ASNS: variants seen among roughly 807,000 people sequenced by gnomAD.
The protein encoded by ASNS is asparagine synthetase [glutamine-hydrolyzing].
Under a neutral mutation model 62.6 loss-of-function variants are expected in ASNS, and 37 were observed. The ratio of observed to expected loss-of-function variants is 0.59; its 90% CI spans 0.45 to 0.78. ASNS has a LOEUF of 0.78. Ranked by LOEUF, ASNS falls within the 30% of genes least tolerant of loss-of-function variation. The pLI is 0.00. For missense variants in ASNS, 520 were observed against 682.4 expected (o/e 0.76, Z 2.65); for synonymous variants, 207 against 237.9 (o/e 0.87, Z 1.19).
the ASNS span, among the ~76,000 whole-genome samples, chr7:97,914,017 T>C: frequency 1.4e-5 from 2 of 147,026 alleles, no homozygotes; most frequent in African/African-American, 5.0e-5. Flanking sequence ...GATAGATGCA[T>C]GGGTGAGTGG....
chr7:97,899,639 A>G, the ASNS span, among the ~76,000 whole-genome samples: 1 of 152,186 alleles, frequency 6.6e-6, no homozygotes, highest in African/African-American at 2.4e-5. Context: ...CTAAGCAACC[A>G]CTAATCGACT....
rs2115754352 is a variant in ASNS at position 97,869,031 on chromosome 7, G to A, written c.126C>T (p.Asn42=). 3.1e-6 allele frequency: 5 copies of A among 1,614,156 alleles called. No individual in the cohort carries two copies. Among genetic ancestry groups the A allele is most frequent in the Non-Finnish European group, 4.2e-6 (5 of 1,180,026 alleles). The part of the protein sequence containing the change: ...FRFENVNGYT[N]CCFGFHRLAV... Reference sequence around the variant, plus strand: ...CCAACCGGTGAAATCCAAAGCAGCAGTTGGTGTATCCATTGACATTCTCAA... The same window carrying A: ...CCAACCGGTGAAATCCAAAGCAGCAATTGGTGTATCCATTGACATTCTCAA... The change falls in exon 3 of 13, where the codon AAC becomes AAT. Residue 42 remains asparagine, a synonymous_variant. Coordinates refer to ENST00000394308, the MANE Select transcript of ASNS (RefSeq NM_001673.5).
chr7:97,894,480 CAAAAAAAAAA>C, the ASNS span, among the ~76,000 whole-genome samples: 187 of 36,354 alleles, frequency 5.1e-3, no homozygotes, highest in South Asian at 0.024. Flanking sequence ...TGAGGCTAAC[CAAAAAAAAAA>C]AAAAAAAAAA....
the ASNS span, among the ~76,000 whole-genome samples, chr7:97,910,202 T>G: frequency 1.3e-5 from 2 of 152,210 alleles, no homozygotes; most frequent in Non-Finnish European, 2.9e-5. Context: ...AGGTCCTAGC[T>G]GAGCCCCTAA....
the ASNS span, among the ~76,000 whole-genome samples, chr7:97,880,953 T>TGTTTC: frequency 1.3e-5 from 2 of 152,070 alleles, no homozygotes; most frequent in South Asian, 4.2e-4. Context: ...TGTTTTGTTT[T>TGTTTC]GTTTTGAGAT....
the ASNS span, among the ~76,000 whole-genome samples, chr7:97,895,809 C>T: frequency 6.6e-6 from 1 of 151,638 alleles, no homozygotes; most frequent in Non-Finnish European, 1.5e-5. Flanking sequence ...AAATAAAAAA[C>T]ATTTTTAAAA....
chr7:97,858,366 T>A lies in ASNS; in HGVS notation c.815A>T (p.Lys272Met). ...DSSLVAATLLKQLKEAQVQYP... is the reference protein window; with the variant it reads ...DSSLVAATLLMQLKEAQVQYP... The stretch of plus-strand genomic sequence containing the variant: ...CTGTACTTGGGCTTCTTTCAGCTGC[T>A]TCAACAGAGTGGCAGCAACCAAGCT... Residue 272 changes from lysine (K) to methionine (M), a missense_variant, in exon 7 of 13, where the codon AAG becomes ATG. Physicochemically the swap from Lys to Met is moderately conservative, Grantham distance 95 (BLOSUM62 -1). Transcript: ENST00000394308. The A allele has an allele frequency of 6.2e-7, 1 of 1,614,160 alleles. No individual in the cohort carries two copies. Among genetic ancestry groups the A allele is most frequent in the African/African-American group, 1.3e-5 (1 of 75,032 alleles).
upstream of ASNS, among the ~76,000 whole-genome samples, chr7:97,873,360 C>CAATG (rs1792365674): frequency 1.3e-5 from 2 of 152,320 alleles, no homozygotes; most frequent in African/African-American, 4.8e-5. Context: ...AGACTACAGT[C>CAATG]AATGCTTGGA....
chr7:97,888,724 C>T, the ASNS span, among the ~76,000 whole-genome samples: 1 of 152,224 alleles, frequency 6.6e-6, no homozygotes, highest in African/African-American at 2.4e-5. Flanking sequence ...ATTCCCCCTT[C>T]TTCTCATGCA....
chr7:97,901,673 C>T, the ASNS span, among the ~76,000 whole-genome samples: 1 of 152,072 alleles, frequency 6.6e-6, no homozygotes, highest in Admixed American at 6.6e-5. Context: ...GTTTCTCTAT[C>T]TCAACTCAAA....
chr7:97,911,168 T>A, the ASNS span, among the ~76,000 whole-genome samples: 1 of 152,076 alleles, frequency 6.6e-6, no homozygotes, highest in Non-Finnish European at 1.5e-5. Context: ...GGGGTGAATA[T>A]CAGGATGCAA....
chr7:97,899,025 A>G, the ASNS span: 1 of 690,074 alleles, frequency 1.4e-6, no homozygotes, highest in Non-Finnish European at 2.6e-6. Context: ...GTGCTTTCAC[A>G]TCATACTGAT....
chr7:97,888,819 G>T, the ASNS span, among the ~76,000 whole-genome samples: 1 of 152,194 alleles, frequency 6.6e-6, no homozygotes, highest in African/African-American at 2.4e-5. Context: ...ATAGGAATAT[G>T]CTGGTGCCTG....
chr7:97,859,737 A>T (rs546181507), intron 4 of ASNS, among the ~76,000 whole-genome samples: 1 of 152,204 alleles, frequency 6.6e-6, no homozygotes, highest in Non-Finnish European at 1.5e-5. Context: ...GAAAAGACAC[A>T]CTTATGAAGC....
the ASNS span, among the ~76,000 whole-genome samples, chr7:97,916,599 C>T: frequency 2.0e-5 from 3 of 152,210 alleles, no homozygotes; most frequent in East Asian, 1.9e-4. Flanking sequence ...TGTGAACAAG[C>T]CTATGGTGGA....
chr7:97,870,243 A>G (rs1792189166), intron 1 of ASNS: 3 of 816,078 alleles, frequency 3.7e-6, no homozygotes, highest in South Asian at 4.6e-5. Flanking sequence ...AAGATTGTAC[A>G]CAGAGGTCCA....
intron 3 of ASNS, among the ~76,000 whole-genome samples, chr7:97,868,348 G>A (rs977813784): frequency 6.6e-6 from 1 of 152,024 alleles, no homozygotes; most frequent in African/African-American, 2.4e-5. Flanking sequence ...GGACACTTAG[G>A]GAAATTTCAT....
At chr7:97,883,267 T>TA in the ASNS span, among the ~76,000 whole-genome samples, 8 of 152,010 alleles carry the variant, frequency 5.3e-5, no homozygotes, top group South Asian at 2.1e-4. Context: ...TGTTGGCTGT[T>TA]AAAAAAAATA....
intron 4 of ASNS, among the ~76,000 whole-genome samples, chr7:97,862,466 G>A (rs533190678): frequency 2.6e-5 from 4 of 152,152 alleles, no homozygotes; most frequent in East Asian, 1.9e-4. Flanking sequence ...GGAAGAGGAC[G>A]GGAGGAAAGA....
Sources: gnomAD v4.1 joint callset for allele counts (sites outside exome capture counted in the v4.1 genomes callset) on GRCh38, gnomAD v4.1.1 for gene constraint, MANE v1.5 for transcripts, NCBI Gene and HGNC (gene_info 2026-07-23, HGNC 2026-07-21) for gene names.